Variants in RGL1 observed in about 807,000 individuals in gnomAD.
RGL1 encodes ral guanine nucleotide dissociation stimulator-like 1.
In RGL1, 24 loss-of-function variants were observed where a neutral mutation model predicts 95.2. That is an observed-to-expected ratio of 0.25 (90% confidence interval 0.18 to 0.35). The LOEUF (loss-of-function observed/expected upper bound fraction) is 0.35, where lower values mean the gene tolerates loss of function less well. Ranked by LOEUF, RGL1 falls within the 10% of genes least tolerant of loss-of-function variation. RGL1 has a pLI of 1.00. For synonymous variants in RGL1, 329 were observed against 344.9 expected, an observed-to-expected ratio of 0.95 and a Z score of 0.51; for missense variants, 715 against 936.3, an observed-to-expected ratio of 0.76 and a Z score of 3.08.
intron 2 of RGL1, among the ~76,000 whole-genome samples, chr1:183,779,652 C>T (rs1354459612): frequency 6.6e-6 from 1 of 152,062 alleles, no homozygotes; most frequent in East Asian, 1.9e-4. Context: ...GTGAGGTAGC[C>T]CCCACAGTTA....
rs79543078 is a variant in RGL1, at chr1:183,648,195, G to T, written c.-33+11694G>T. On this transcript the variant is annotated intron_variant, in intron 1 of 18. Coordinates refer to the RGL1 transcript ENST00000304685. Reference sequence around the variant, plus strand: ...ACCACTTATAAAGCTGTGGAGAACAGAATGCCAGATCCCACCACTTATTGG... The same window carrying T: ...ACCACTTATAAAGCTGTGGAGAACATAATGCCAGATCCCACCACTTATTGG... 2.5e-6 allele frequency: 4 copies of T among 1,614,144 alleles called. 1 individual carries two copies. The South Asian group carries it at 4.4e-5, about 18-fold the overall frequency.
intron 1 of RGL1, among the ~76,000 whole-genome samples, chr1:183,683,563 G>A (rs1295138339): frequency 6.6e-6 from 1 of 152,098 alleles, no homozygotes; most frequent in Admixed American, 6.5e-5. Flanking sequence ...TCCCTTTGTG[G>A]GTAACCCGAC....
rs544475913 is a variant in RGL1 at position 183,735,963 on chromosome 1, A to G, written c.-32-6163A>G. 3.3e-5 allele frequency among the ~76,000 whole-genome samples: 5 copies of G among 152,334 alleles called. No individual in the cohort carries two copies. The South Asian group carries it at 1.0e-3, about 32-fold the overall frequency. ...GATCCCACAATTTGTAGATATCACA[A>G]TAGCAATCATGGTTAGAGAAGTCTA... On this transcript the variant is annotated intron_variant, in intron 1 of 18. Coordinates refer to the RGL1 transcript ENST00000304685.
chr1:183,794,560 T>TA (rs1660601346), intron 2 of RGL1, among the ~76,000 whole-genome samples: 1 of 152,198 alleles, frequency 6.6e-6, no homozygotes, highest in Admixed American at 6.5e-5. Context: ...CATGTATCAA[T>TA]AAAAAAGTCC....
intron 2 of RGL1, among the ~76,000 whole-genome samples, chr1:183,772,061 C>G (rs1293202005): frequency 6.6e-6 from 1 of 152,230 alleles, no homozygotes; most frequent in Non-Finnish European, 1.5e-5. Context: ...CGGCCCAACT[C>G]CAGGGATAAA....
rs375072086 is a variant in RGL1, at chr1:183,790,876, C to G, written c.133-15499C>G. 3.3e-5 allele frequency among the ~76,000 whole-genome samples: 5 copies of G among 151,954 alleles called. No individual in the cohort carries two copies. The East Asian group carries it at 5.8e-4, about 18-fold the overall frequency. ...AGGCCAGCCCACTCTATCAGTTCTC[C>G]CCTCCCACGATATATACACACATAG... On this transcript the variant is annotated intron_variant, in intron 2 of 18. Transcript: ENST00000304685.
chr1:183,756,263 G>T (rs371028860), intron 2 of RGL1, among the ~76,000 whole-genome samples: 86 of 151,856 alleles, frequency 5.7e-4, no homozygotes, highest in African/African-American at 2.0e-3. Flanking sequence ...GACCTCCCTG[G>T]TTCGCTTAAA....
At chr1:183,808,747 A>ATC (rs1319352573) in intron 2 of RGL1, among the ~76,000 whole-genome samples, 35 of 150,602 alleles carry the variant, frequency 2.3e-4, no homozygotes, top group Admixed American at 1.3e-4. Flanking sequence ...TGTTGTGATG[A>ATC]TCTCTCTCTC....
At chr1:183,647,967 A>T in intron 1 of RGL1, 1 of 1,614,218 alleles carries the variant, frequency 6.2e-7, no homozygotes. Context: ...CGGCATTTGA[A>T]AAAACTGTCC....
At chr1:183,849,483 G>GTTTTTTTTTTTT (rs1418103960) in intron 3 of RGL1, among the ~76,000 whole-genome samples, 4 of 120,852 alleles carry the variant, frequency 3.3e-5, no homozygotes, top group Non-Finnish European at 4.8e-5. Flanking sequence ...CCAGTTTTTA[G>GTTTTTTTTTTTT]TTTTTTTTTT....
intron 2 of RGL1, among the ~76,000 whole-genome samples, chr1:183,754,007 T>C (rs1461428787): frequency 6.6e-6 from 1 of 152,164 alleles, no homozygotes; most frequent in East Asian, 1.9e-4. Context: ...AATTTGCATT[T>C]GTTTCTGGGA....
intron 1 of RGL1, among the ~76,000 whole-genome samples, chr1:183,658,253 G>A (rs921835483): frequency 1.3e-5 from 2 of 152,216 alleles, no homozygotes; most frequent in African/African-American, 4.8e-5. Flanking sequence ...AGCAGGGCGA[G>A]GCATTGCCTC....
At chr1:183,847,212 G>A (rs762186042) in intron 2 of RGL1, among the ~76,000 whole-genome samples, 1 of 152,136 alleles carries the variant, frequency 6.6e-6, no homozygotes, top group African/African-American at 2.4e-5. Flanking sequence ...ATTTTGGGAG[G>A]CCAAGGCGAG....
chr1:183,741,155 G>T (rs1572354093), intron 1 of RGL1, among the ~76,000 whole-genome samples: 2 of 152,182 alleles, frequency 1.3e-5, no homozygotes, highest in East Asian at 3.8e-4. Context: ...TGGGAGAAGG[G>T]AGGTGGAGAA....
At chr1:183,877,487 C>A (rs1666566362) in intron 4 of RGL1, among the ~76,000 whole-genome samples, 2 of 152,220 alleles carry the variant, frequency 1.3e-5, no homozygotes, top group Non-Finnish European at 2.9e-5. Context: ...AGGACTGGCA[C>A]ACACAAAGCT....
Position 183,916,616 on chromosome 1 carries a change from C to G in RGL1, c.1919C>G (p.Pro640Arg), listed in dbSNP as rs768844858. ...VTSITSTVLP[P>R]VYNQQNEDTC... is the part of the protein sequence containing the mutation. ...TCCATTACCTCGACTGTGCTGCCTC[C>G]TGTTTACAACCAACAGAATGAAGAC... Residue 640 changes from proline to arginine, a missense_variant, in exon 16 of 18, where the codon CCT (proline) becomes CGT (arginine). Physicochemically the swap from Pro to Arg is moderately radical, Grantham distance 103 (BLOSUM62 -2). Transcript: ENST00000360851. 1 of 1,614,048 alleles carries G rather than the reference C, an allele frequency of 6.2e-7. No homozygotes were observed. The highest frequency in any genetic ancestry group is 8.5e-7 in the Non-Finnish European group (1 of 1,180,018).
chr1:183,899,400 G>C (rs1240723179), intron 10 of RGL1, among the ~76,000 whole-genome samples: 1 of 152,168 alleles, frequency 6.6e-6, no homozygotes, highest in Non-Finnish European at 1.5e-5. Context: ...TTATGACCTT[G>C]GTTGTCTTAA....
intron 1 of RGL1, among the ~76,000 whole-genome samples, chr1:183,671,980 T>G (rs1652493591): frequency 6.6e-6 from 1 of 151,450 alleles, no homozygotes; most frequent in South Asian, 2.1e-4. Context: ...TCACCCAGGC[T>G]GGAGTGCAGT....
intron 2 of RGL1, among the ~76,000 whole-genome samples, chr1:183,839,630 T>C (rs1334436726): frequency 6.6e-6 from 1 of 152,220 alleles, no homozygotes; most frequent in Non-Finnish European, 1.5e-5. Flanking sequence ...GTCCTCCACG[T>C]TGATTTCCTT....
Sources: gnomAD v4.1 joint callset for allele counts (sites outside exome capture counted in the v4.1 genomes callset) on GRCh38, gnomAD v4.1.1 for gene constraint, MANE v1.5 for transcripts, NCBI Gene and HGNC (gene_info 2026-07-23, HGNC 2026-07-21) for gene names.